The following MDGA2 variants were observed in gnomAD, a reference collection of about 807,000 sequenced individuals.
The protein encoded by MDGA2 is MAM domain containing glycosylphosphatidylinositol anchor 2, also known as MAM domain-containing glycosylphosphatidylinositol anchor protein 2.
In MDGA2, 40 loss-of-function variants were observed where a neutral mutation model predicts 117.8. The observed-to-expected ratio is 0.34, with a 90% CI of 0.26 to 0.44. The LOEUF (loss-of-function observed/expected upper bound fraction) is 0.44. Ranked by LOEUF, MDGA2 falls within the 20% of genes least tolerant of loss-of-function variation. MDGA2 has a pLI of 1.00. For synonymous variants in MDGA2, 452 were observed against 439.0 expected (o/e 1.03, Z -0.37); for missense variants, 1,123 against 1,250.6 (o/e 0.90, Z 1.54).
chr14:47,335,385 G>A (rs189202221), intron 1 of MDGA2, among the ~76,000 whole-genome samples: 17 of 151,130 alleles, frequency 1.1e-4, no homozygotes, highest in African/African-American at 3.6e-4. Flanking sequence ...TTGGAGCAAA[G>A]CCTTGATGTA....
At chr14:47,079,258 A>G (rs1566611620) in intron 6 of MDGA2, among the ~76,000 whole-genome samples, 1 of 152,298 alleles carries the variant, frequency 6.6e-6, no homozygotes, top group East Asian at 1.9e-4. Context: ...TAATAGATTG[A>G]GAGATCCACA....
At chr14:47,368,307 T>TA (rs1891274404) in intron 1 of MDGA2, among the ~76,000 whole-genome samples, 2 of 149,932 alleles carry the variant, frequency 1.3e-5, no homozygotes, top group East Asian at 2.0e-4. Context: ...ATAATAAAAA[T>TA]TAAAAAAAAG....
chr14:46,994,762 A>C (rs1215842868), intron 8 of MDGA2, among the ~76,000 whole-genome samples: 1 of 152,180 alleles, frequency 6.6e-6, no homozygotes, highest in Non-Finnish European at 1.5e-5. Context: ...TTAAGTATAA[A>C]GCTTCTAAAA....
intron 1 of MDGA2, among the ~76,000 whole-genome samples, chr14:47,394,183 C>CT (rs1192975931): frequency 6.6e-6 from 1 of 151,998 alleles, no homozygotes; most frequent in African/African-American, 2.4e-5. Flanking sequence ...CCTTTAATTG[C>CT]TTTTTTATCT....
intron 1 of MDGA2, among the ~76,000 whole-genome samples, chr14:47,354,754 T>C (rs1034659046): frequency 1.3e-5 from 2 of 152,180 alleles, no homozygotes; most frequent in Non-Finnish European, 2.9e-5. Context: ...AACCCTGTCT[T>C]TGGCTGGTTG....
At chr14:47,340,064 C>A (rs1480788624) in intron 1 of MDGA2, among the ~76,000 whole-genome samples, 3 of 152,086 alleles carry the variant, frequency 2.0e-5, no homozygotes, top group Non-Finnish European at 4.4e-5. Flanking sequence ...ATCTTAGACT[C>A]ATATTAGAAT....
chr14:47,134,565 T>G (rs1408399683), intron 4 of MDGA2, among the ~76,000 whole-genome samples: 1 of 151,654 alleles, frequency 6.6e-6, no homozygotes, highest in East Asian at 1.9e-4. Context: ...AGACAAATTA[T>G]CAGGACAAAA....
At chr14:47,027,401 G>T (rs1467850634) in intron 8 of MDGA2, among the ~76,000 whole-genome samples, 2 of 151,568 alleles carry the variant, frequency 1.3e-5, no homozygotes, top group East Asian at 1.9e-4. Flanking sequence ...AAAACTAGCT[G>T]GTCACTCTCC....
intron 1 of MDGA2, among the ~76,000 whole-genome samples, chr14:47,307,868 G>A (rs894549346): frequency 1.3e-5 from 2 of 152,134 alleles, no homozygotes; most frequent in African/African-American, 2.4e-5. Flanking sequence ...AGGAGAGCAT[G>A]TAGAGTGAGA....
At chr14:47,083,915 C>G (rs1379198712) in intron 6 of MDGA2, among the ~76,000 whole-genome samples, 1 of 151,684 alleles carries the variant, frequency 6.6e-6, no homozygotes. Context: ...CAAAAAAAAG[C>G]AGAAAATATG....
chr14:47,194,333 T>G (rs1885212662), intron 3 of MDGA2, among the ~76,000 whole-genome samples: 1 of 152,160 alleles, frequency 6.6e-6, no homozygotes, highest in Admixed American at 6.5e-5. Context: ...CAAAAACTAT[T>G]TTCAAAGTAG....
At chr14:47,178,088 T>C (rs997377833) in intron 3 of MDGA2, among the ~76,000 whole-genome samples, 1 of 152,114 alleles carries the variant, frequency 6.6e-6, no homozygotes, top group African/African-American at 2.4e-5. Context: ...GGGTTGGGTA[T>C]TGTAGATTCA....
At chr14:47,109,553 A>AGGT (rs376570392) in intron 5 of MDGA2, among the ~76,000 whole-genome samples, 1 of 152,360 alleles carries the variant, frequency 6.6e-6, no homozygotes, top group East Asian at 1.9e-4. Flanking sequence ...GACAAAGAAT[A>AGGT]GGTGCTCAAT....
intron 10 of MDGA2, among the ~76,000 whole-genome samples, chr14:46,910,026 A>G (rs1341901662): frequency 6.6e-6 from 1 of 152,064 alleles, no homozygotes; most frequent in African/African-American, 2.4e-5. Context: ...ACCTGTGCCT[A>G]ACATCCATCT....
intron 2 of MDGA2, among the ~76,000 whole-genome samples, chr14:47,272,748 T>C (rs1473019964): frequency 6.6e-6 from 1 of 152,222 alleles, no homozygotes; most frequent in Non-Finnish European, 1.5e-5. Flanking sequence ...ATGCACCTCA[T>C]TCCATAGCTA....
intron 5 of MDGA2, among the ~76,000 whole-genome samples, chr14:47,098,975 C>T (rs922233381): frequency 1.3e-5 from 2 of 151,922 alleles, no homozygotes; most frequent in Non-Finnish European, 1.5e-5. Flanking sequence ...AACAAGATCA[C>T]TGTTCTAACT....
At chr14:47,400,758 C>CTTTTTTTTTTTTTTTT (rs570103742) in intron 1 of MDGA2, among the ~76,000 whole-genome samples, 5 of 66,210 alleles carry the variant, frequency 7.6e-5, no homozygotes, top group Non-Finnish European at 1.1e-4. Context: ...CTTTTCTTTT[C>CTTTTTTTTTTTTTTTT]TTTTTTTTTT....
At chr14:47,199,635 A>G (rs1885416553) in intron 3 of MDGA2, among the ~76,000 whole-genome samples, 1 of 152,182 alleles carries the variant, frequency 6.6e-6, no homozygotes, top group African/African-American at 2.4e-5. Flanking sequence ...CATTGATATC[A>G]TACTCAAAGA....
At chr14:47,290,539 A>G (rs1433536484) in intron 2 of MDGA2, among the ~76,000 whole-genome samples, 1 of 152,156 alleles carries the variant, frequency 6.6e-6, no homozygotes, top group Non-Finnish European at 1.5e-5. Context: ...TTAAGAAATA[A>G]AAACAAAATT....
Sources: gnomAD v4.1 joint callset for allele counts (sites outside exome capture counted in the v4.1 genomes callset) on GRCh38, gnomAD v4.1.1 for gene constraint, MANE v1.5 for transcripts, NCBI Gene and HGNC (gene_info 2026-07-23, HGNC 2026-07-21) for gene names.